CADPS2: variants seen among roughly 807,000 people sequenced by gnomAD.
The protein encoded by CADPS2 is calcium-dependent secretion activator 2.
Under a neutral mutation model 172.5 loss-of-function variants are expected in CADPS2, and 93 were observed. That is an observed-to-expected ratio of 0.54 (90% CI 0.46 to 0.64). The LOEUF is 0.64. Ranked by LOEUF, CADPS2 falls within the 30% of genes least tolerant of loss-of-function variation. The probability of loss-of-function intolerance (pLI) is 0.00; values close to 1 mark genes in which losing one functional copy is unlikely to be tolerated. For synonymous variants in CADPS2, 546 were observed against 555.2 expected (o/e 0.98, Z 0.23); for missense variants, 1,420 against 1,565.9 (o/e 0.91, Z 1.57).
intron 5 of CADPS2, 113 bp from the exon 6 acceptor site, chr7:122,615,412 G>GTT (rs2074792017): frequency 1.6e-6 from 1 of 606,976 alleles, no homozygotes; most frequent in Non-Finnish European, 2.6e-6. Flanking sequence ...AAAAAAATTT[G>GTT]TTTTTTGTTA....
chr7:122,692,453 T>C (rs911136476), intron 2 of CADPS2, among the ~76,000 whole-genome samples: 3 of 152,142 alleles, frequency 2.0e-5, no homozygotes, highest in African/African-American at 7.2e-5. Context: ...CCAGCGAAGG[T>C]ATGCTTTTCC....
intron 27 of CADPS2, among the ~76,000 whole-genome samples, chr7:122,358,130 A>G (rs1393793764): frequency 6.6e-6 from 1 of 152,122 alleles, no homozygotes; most frequent in Non-Finnish European, 1.5e-5. Flanking sequence ...CCTCGTCAAC[A>G]TTTTGCTGTT....
intron 8 of CADPS2, among the ~76,000 whole-genome samples, chr7:122,547,841 G>T (rs1013921738): frequency 6.6e-6 from 1 of 152,196 alleles, no homozygotes; most frequent in Non-Finnish European, 1.5e-5. Flanking sequence ...ATAAGAGACA[G>T]AAGAAACAGA....
intron 22 of CADPS2, among the ~76,000 whole-genome samples, chr7:122,391,875 G>A (rs530731453): frequency 2.4e-4 from 37 of 152,202 alleles, no homozygotes; most frequent in Non-Finnish European, 4.9e-4. Flanking sequence ...ATTAATGATA[G>A]GAGTGAGGAA....
rs532416346 is a variant in CADPS2, at chr7:122,518,293, C to T, written c.1476-4978G>A. On this transcript the variant is annotated intron_variant, in intron 8 of 29. Coordinates refer to ENST00000449022, the MANE Select transcript of CADPS2 (RefSeq NM_017954.11). Reference sequence around the variant, plus strand: ...AGGATCCCATAGCATCTGAGAGTCACTGTTATAAAAATAAATTATAATAAC... The same window carrying T: ...AGGATCCCATAGCATCTGAGAGTCATTGTTATAAAAATAAATTATAATAAC... Among the ~76,000 whole-genome samples the T allele has an allele frequency of 2.6e-5, 4 of 152,034 alleles. No individual in the cohort carries two copies. In the East Asian group the frequency reaches 5.8e-4, roughly 22 times the overall value.
Position 122,841,915 on chromosome 7 carries a change from G to A in CADPS2, c.339+44084C>T, listed in dbSNP as rs375437393. On this transcript the variant is annotated intron_variant, in intron 1 of 29. Coordinates refer to ENST00000449022, the MANE Select transcript of CADPS2 (RefSeq NM_017954.11). Reference sequence around the variant, plus strand: ...CGTGACCACTCAATAGGAAAGAGATGGGATACTCAAAATGGGATAACATGG... The same window carrying A: ...CGTGACCACTCAATAGGAAAGAGATAGGATACTCAAAATGGGATAACATGG... 1.5e-4 allele frequency among the ~76,000 whole-genome samples: 23 copies of A among 152,270 alleles called. No individual in the cohort carries two copies. In the East Asian group the frequency reaches 4.4e-3, roughly 29 times the overall value.
At chr7:122,767,701 T>C (rs1322936622) in intron 1 of CADPS2, among the ~76,000 whole-genome samples, 1 of 152,146 alleles carries the variant, frequency 6.6e-6, no homozygotes, top group Non-Finnish European at 1.5e-5. Flanking sequence ...CATTTATTAA[T>C]ATTCCAAATA....
At chr7:122,720,913 T>C (rs375827339) in intron 2 of CADPS2, among the ~76,000 whole-genome samples, 12 of 151,870 alleles carry the variant, frequency 7.9e-5, no homozygotes, top group African/African-American at 2.9e-4. Flanking sequence ...CAGTTTCATA[T>C]GGTTTAACAA....
chr7:122,465,102 T>C (rs2054965350), intron 14 of CADPS2, among the ~76,000 whole-genome samples: 2 of 152,026 alleles, frequency 1.3e-5, no homozygotes, highest in East Asian at 1.9e-4. Context: ...ATAAACTTGA[T>C]GGATTAAGAG....
chr7:122,678,682 C>T (rs530369477), intron 2 of CADPS2, among the ~76,000 whole-genome samples: 28 of 152,138 alleles, frequency 1.8e-4, no homozygotes, highest in African/African-American at 6.5e-4. Context: ...TGAAAGATAC[C>T]TCAAAAGGCC....
intron 3 of CADPS2, among the ~76,000 whole-genome samples, chr7:122,633,468 G>A (rs1357715312): frequency 1.3e-5 from 2 of 151,980 alleles, no homozygotes; most frequent in East Asian, 3.9e-4. Context: ...ATTGTAAATG[G>A]GATTGTGTTC....
At chr7:122,494,170 T>TCAGCTTCTGCTGAGGCAGCAC (rs1308124510) in intron 9 of CADPS2, among the ~76,000 whole-genome samples, 1 of 152,178 alleles carries the variant, frequency 6.6e-6, no homozygotes, top group African/African-American at 2.4e-5. Context: ...ACATTTTCCC[T>TCAGCTTCTGCTGAGGCAGCAC]CAGCTTCTGC....
intron 3 of CADPS2, among the ~76,000 whole-genome samples, chr7:122,647,397 C>T (rs1012310029): frequency 2.6e-5 from 4 of 152,124 alleles, no homozygotes; most frequent in African/African-American, 9.7e-5. Flanking sequence ...AAGCCTTGTT[C>T]ATCATATATC....
intron 14 of CADPS2, among the ~76,000 whole-genome samples, chr7:122,460,794 C>G (rs1021050348): frequency 6.6e-6 from 1 of 152,042 alleles, no homozygotes; most frequent in East Asian, 1.9e-4. Flanking sequence ...CAAAAAGAAT[C>G]AAACAGAATA....
intron 4 of CADPS2, among the ~76,000 whole-genome samples, chr7:122,625,706 G>T (rs1240723485): frequency 6.6e-6 from 1 of 151,770 alleles, no homozygotes; most frequent in African/African-American, 2.4e-5. Context: ...ATGGATTCTG[G>T]ACTTGCCAGT....
At chr7:122,671,956 G>T (rs1037722040) in intron 2 of CADPS2, among the ~76,000 whole-genome samples, 5 of 152,110 alleles carry the variant, frequency 3.3e-5, no homozygotes, top group Non-Finnish European at 7.3e-5. Flanking sequence ...TACGAAAGGA[G>T]TATAAAACAT....
At chr7:122,807,527 G>C (rs112388365) in intron 1 of CADPS2, among the ~76,000 whole-genome samples, 3 of 152,156 alleles carry the variant, frequency 2.0e-5, no homozygotes, top group African/African-American at 7.2e-5. Flanking sequence ...ACCCAGCCTC[G>C]GGAGGCGGCT....
intron 1 of CADPS2, among the ~76,000 whole-genome samples, chr7:122,793,973 G>A (rs541775489): frequency 6.6e-6 from 1 of 152,250 alleles, no homozygotes; most frequent in Non-Finnish European, 1.5e-5. Flanking sequence ...CTTCTGGTTT[G>A]TAGGGTTTCT....
chr7:122,818,501 C>T (rs984452481), intron 1 of CADPS2, among the ~76,000 whole-genome samples: 6 of 152,136 alleles, frequency 3.9e-5, no homozygotes, highest in African/African-American at 1.4e-4. Flanking sequence ...TTCTTTCCCT[C>T]CCGCCTGTCC....
Sources: allele counts gnomAD v4.1 joint callset (sites outside exome capture counted in the v4.1 genomes callset), GRCh38; gene constraint gnomAD v4.1.1; transcripts MANE v1.5; gene names NCBI Gene and HGNC (gene_info 2026-07-23, HGNC 2026-07-21).